ELMO1: variants seen among roughly 807,000 people sequenced by gnomAD.
The protein encoded by ELMO1 is engulfment and cell motility protein 1.
In ELMO1, 26 loss-of-function variants were observed where a neutral mutation model predicts 98.9. The observed-to-expected ratio is 0.26, with a 90% CI of 0.19 to 0.36. The LOEUF is 0.36. Ranked by LOEUF, ELMO1 falls within the 10% of genes least tolerant of loss-of-function variation. The pLI is 1.00. For missense variants in ELMO1, 627 were observed against 935.2 expected (o/e 0.67, Z 4.30); for synonymous variants, 346 against 346.0 (o/e 1.00, Z 0.00).
intron 15 of ELMO1, among the ~76,000 whole-genome samples, chr7:37,092,366 C>CCT (rs1784146740): frequency 1.5e-5 from 1 of 68,894 alleles, no homozygotes; most frequent in Non-Finnish European, 3.1e-5. Context: ...TACCCATATT[C>CCT]TTTTTTTTTT....
chr7:37,008,964 G>T (rs1034586119), intron 16 of ELMO1, among the ~76,000 whole-genome samples: 2 of 152,176 alleles, frequency 1.3e-5, no homozygotes, highest in Non-Finnish European at 2.9e-5. Flanking sequence ...TGGGATAACA[G>T]GGTTTTCAAA....
At chr7:37,122,364 C>T (rs974735931) in intron 14 of ELMO1, among the ~76,000 whole-genome samples, 4 of 152,064 alleles carry the variant, frequency 2.6e-5, no homozygotes, top group Admixed American at 2.6e-4. Context: ...GAGTCAAGAC[C>T]CATCAGTGTG....
chr7:37,211,567 C>A (rs750217955), intron 12 of ELMO1, 50 bp from the exon 13 acceptor site: 1 of 1,595,214 alleles, frequency 6.3e-7, no homozygotes, highest in South Asian at 1.1e-5. Context: ...AAGCTGCTTT[C>A]ATTGTGTGAC....
Position 37,174,684 on chromosome 7 carries a change from C to T in ELMO1, c.1086+36702G>A, listed in dbSNP as rs147139223. ...GTACAACAAACTCCAGGCACCAGTA[C>T]ATGATGTTATTCATTGAACGGCACT... On this transcript the variant is annotated intron_variant, in intron 13 of 21. Coordinates refer to ENST00000310758, the MANE Select transcript of ELMO1 (RefSeq NM_014800.11). Among the ~76,000 whole-genome samples, 79 of 152,282 alleles carry T rather than the reference C, an allele frequency of 5.2e-4. No homozygotes were observed. The Middle Eastern group carries it at 0.01, about 20-fold the overall frequency.
intron 1 of ELMO1, among the ~76,000 whole-genome samples, chr7:37,361,680 C>T (rs544692894): frequency 4.6e-5 from 7 of 152,308 alleles, no homozygotes; most frequent in South Asian, 2.1e-4. Flanking sequence ...GCATGTCATC[C>T]GGGCACAGTG....
intron 14 of ELMO1, among the ~76,000 whole-genome samples, chr7:37,112,926 G>C (rs1785336770): frequency 6.6e-6 from 1 of 152,210 alleles, no homozygotes; most frequent in Non-Finnish European, 1.5e-5. Flanking sequence ...AATCCCTTCT[G>C]ATTTGGTAGG....
chr7:36,920,108 C>A (rs1785026376), intron 16 of ELMO1, among the ~76,000 whole-genome samples: 2 of 152,242 alleles, frequency 1.3e-5, no homozygotes, highest in South Asian at 4.1e-4. Flanking sequence ...GCCACTAAGA[C>A]CCAGCTCTTG....
chr7:37,382,934 T>C (rs1211547001), intron 1 of ELMO1, among the ~76,000 whole-genome samples: 2 of 152,168 alleles, frequency 1.3e-5, no homozygotes, highest in East Asian at 3.8e-4. Context: ...CCTAGGAGGG[T>C]AGAGACAACA....
At chr7:37,361,576 C>T (rs1801699381) in intron 1 of ELMO1, among the ~76,000 whole-genome samples, 1 of 152,226 alleles carries the variant, frequency 6.6e-6, no homozygotes, top group African/African-American at 2.4e-5. Flanking sequence ...GTATACCAAT[C>T]TCTACGCTAA....
chr7:37,303,393 CAA>C (rs1440284037), intron 4 of ELMO1, among the ~76,000 whole-genome samples: 1 of 152,122 alleles, frequency 6.6e-6, no homozygotes, highest in Non-Finnish European at 1.5e-5. Flanking sequence ...CACAAACACA[CAA>C]AAATATACAC....
intron 19 of ELMO1, among the ~76,000 whole-genome samples, chr7:36,873,067 A>T (rs1302820598): frequency 6.6e-6 from 1 of 152,170 alleles, no homozygotes; most frequent in African/African-American, 2.4e-5. Context: ...GGAAGTACAT[A>T]TATATTTTTT....
At chr7:37,413,942 T>C (rs996689192) in intron 1 of ELMO1, among the ~76,000 whole-genome samples, 4 of 151,978 alleles carry the variant, frequency 2.6e-5, no homozygotes, top group African/African-American at 9.7e-5. Flanking sequence ...CCTCCCAGAG[T>C]GCTGGGATTA....
At chr7:36,984,080 G>A (rs1791309000) in intron 16 of ELMO1, among the ~76,000 whole-genome samples, 1 of 152,086 alleles carries the variant, frequency 6.6e-6, no homozygotes, top group Non-Finnish European at 1.5e-5. Flanking sequence ...ACTAGTGGGG[G>A]AGAGAAGAGG....
At chr7:37,431,630 CT>C (rs1804935738) in intron 1 of ELMO1, among the ~76,000 whole-genome samples, 2 of 152,176 alleles carry the variant, frequency 1.3e-5, no homozygotes, top group South Asian at 4.1e-4. Context: ...AAATAGGACC[CT>C]GGTACACTGC....
chr7:37,195,673 A>C (rs1259048507), intron 13 of ELMO1, among the ~76,000 whole-genome samples: 2 of 152,138 alleles, frequency 1.3e-5, no homozygotes. Context: ...CTCTCCGAAA[A>C]AGCTGGCGTG....
chr7:36,885,422 AGTCAGGGAAGTC>A (rs1379898678), intron 18 of ELMO1, among the ~76,000 whole-genome samples: 10 of 152,164 alleles, frequency 6.6e-5, no homozygotes, highest in African/African-American at 2.4e-4. Flanking sequence ...ACTTCAACCT[AGTCAGGGAAGTC>A]TCATGACGCA....
At chr7:37,040,413 A>G (rs1440813814) in intron 15 of ELMO1, among the ~76,000 whole-genome samples, 2 of 152,214 alleles carry the variant, frequency 1.3e-5, no homozygotes. Flanking sequence ...CCAACAGAAG[A>G]GAACTCCCAT....
At chr7:37,273,110 G>A (rs1796657538) in intron 4 of ELMO1, among the ~76,000 whole-genome samples, 1 of 152,230 alleles carries the variant, frequency 6.6e-6, no homozygotes, top group Admixed American at 6.5e-5. Flanking sequence ...ATGTTGCCTT[G>A]AAGTTAAGCA....
intron 15 of ELMO1, among the ~76,000 whole-genome samples, chr7:37,018,181 C>T (rs931065073): frequency 6.7e-6 from 1 of 149,790 alleles, no homozygotes; most frequent in African/African-American, 2.5e-5. Context: ...GGCTGGAGAG[C>T]AATGGCGTGA....
Sources: allele counts gnomAD v4.1 joint callset (sites outside exome capture counted in the v4.1 genomes callset), GRCh38; gene constraint gnomAD v4.1.1; transcripts MANE v1.5; gene names NCBI Gene and HGNC (gene_info 2026-07-23, HGNC 2026-07-21).